The following FAAH2 variants were observed in gnomAD, a reference collection of about 807,000 sequenced individuals.
FAAH2 encodes the protein fatty-acid amide hydrolase 2.
Under a neutral mutation model 36.9 loss-of-function variants are expected in FAAH2, and 60 were observed. That is an observed-to-expected ratio of 1.63 (90% confidence interval 1.32 to 2.02). FAAH2 has a LOEUF of 2.02. Among genes scored for constraint, FAAH2 ranks in the 30% most tolerant of loss-of-function variants. FAAH2 has a pLI of 0.00. For synonymous variants in FAAH2, 214 were observed against 143.8 expected (o/e 1.49, Z -3.49); for missense variants, 689 against 397.5 (o/e 1.73, Z -6.23).
chrX:57,411,215 C>T, intron 7 of FAAH2, among the ~76,000 whole-genome samples: 1 of 111,931 alleles, frequency 8.9e-6, no homozygotes, highest in Admixed American at 9.5e-5. Flanking sequence ...TCTCTCTATG[C>T]TGCAAAGCGA....
chrX:57,349,102 T>C (rs765221830), intron 5 of FAAH2, among the ~76,000 whole-genome samples: 7 of 97,185 alleles, frequency 7.2e-5, no homozygotes, highest in African/African-American at 2.6e-4. Flanking sequence ...ATTATATATA[T>C]AATGTATATG....
At chrX:57,264,421 A>T in the FAAH2 span, among the ~76,000 whole-genome samples, 2 of 111,963 alleles carry the variant, frequency 1.8e-5, no homozygotes, top group South Asian at 3.7e-4. Flanking sequence ...GCCAACAAGC[A>T]TATTAAAAAA....
chrX:57,342,356 T>C (rs761540277), intron 5 of FAAH2, among the ~76,000 whole-genome samples: 1 of 111,106 alleles, frequency 9.0e-6, no homozygotes, highest in South Asian at 3.8e-4. Flanking sequence ...CAACAAACAC[T>C]GGGGACCTTT....
intron 7 of FAAH2, among the ~76,000 whole-genome samples, chrX:57,384,323 T>C (rs1325941355): frequency 2.0e-5 from 2 of 101,897 alleles, no homozygotes; most frequent in Non-Finnish European, 4.1e-5. Context: ...AATTGACAAA[T>C]GGGATCTAAT....
rs199519453 is a variant in FAAH2 at position 57,471,242 on chromosome X, C to A, written c.1424-17515C>A. ...TTCAACATAGTGTTGGAAGTTATGG[C>A]CAGGGCAATGAGGCAAGAGAAAGGA... On this transcript the variant is annotated intron_variant, in intron 10 of 10. Transcript: ENST00000374900. Among the ~76,000 whole-genome samples the A allele has an allele frequency of 4.4e-4, 49 of 111,589 alleles. No individual in the cohort carries two copies. In the East Asian group the frequency reaches 0.013, roughly 30 times the overall value.
chrX:57,264,823 A>C, the FAAH2 span, among the ~76,000 whole-genome samples: 1 of 112,715 alleles, frequency 8.9e-6, no homozygotes, highest in South Asian at 3.7e-4. Flanking sequence ...AAAATGTGGA[A>C]TTAGGAGTGG....
chrX:57,181,198 G>A, the FAAH2 span, among the ~76,000 whole-genome samples: 10 of 110,197 alleles, frequency 9.1e-5, no homozygotes, highest in Non-Finnish European at 1.7e-4. Context: ...AGCTAGAAGC[G>A]TTCACCTTGA....
chrX:57,277,903 A>G, the FAAH2 span, among the ~76,000 whole-genome samples: 5 of 111,890 alleles, frequency 4.5e-5, no homozygotes, highest in Non-Finnish European at 5.6e-5. Flanking sequence ...ACTACAAACC[A>G]CTGCTCAAGG....
rs2055693440 is a variant in FAAH2 at position 57,411,249 on chromosome X, T to C, written c.997-20669T>C. Among the ~76,000 whole-genome samples the C allele has an allele frequency of 4.5e-5, 5 of 112,219 alleles. No homozygotes were observed. The South Asian group carries it at 1.5e-3, about 33-fold the overall frequency. ...GAGACCTGGTGCTCTGACCATCCCA[T>C]TTATTTTCCCTAAAGCAGTGTGTCC... is the stretch of plus-strand genomic sequence containing the variant. On this transcript the variant is annotated intron_variant, in intron 7 of 10. Transcript: ENST00000374900.
At chrX:57,446,500 T>C (rs1177965908) in intron 8 of FAAH2, among the ~76,000 whole-genome samples, 3 of 111,909 alleles carry the variant, frequency 2.7e-5, no homozygotes, top group African/African-American at 9.8e-5. Context: ...TTTAGAGTTG[T>C]GCAACAATCA....
At chrX:57,369,011 T>C (rs1247534037) in intron 5 of FAAH2, among the ~76,000 whole-genome samples, 1 of 107,867 alleles carries the variant, frequency 9.3e-6, no homozygotes, top group African/African-American at 3.4e-5. Flanking sequence ...GAGAAATTGA[T>C]CAAAGAGATA....
rs758927630 is a variant in FAAH2, at chrX:57,488,975, G to A, written c.*43G>A. The A allele has an allele frequency of 6.2e-6, 7 of 1,133,093 alleles. No individual in the cohort carries two copies. Among genetic ancestry groups the A allele is most frequent in the South Asian group, 4.5e-5 (2 of 44,069 alleles). The allele number at this position is 1,133,093 out of a possible 1,213,427, so 93.4% of individuals were successfully genotyped here. A position where few individuals can be genotyped will look rare whatever the true frequency, so the allele number is the denominator to read the frequency against. ...TTAATGTGTGTGTGTGTTTGTGTTC[G>A]TGTGGTGGTGTTTCTATTAATTGGG... On this transcript the variant is annotated 3_prime_UTR_variant, in exon 11 of 11. Coordinates refer to ENST00000374900, the MANE Select transcript of FAAH2 (RefSeq NM_174912.4).
intron 5 of FAAH2, among the ~76,000 whole-genome samples, chrX:57,353,200 T>G (rs2054070312): frequency 1.8e-5 from 2 of 110,001 alleles, no homozygotes; most frequent in African/African-American, 6.6e-5. Flanking sequence ...TCGGTAATAT[T>G]ATGAGGCGAC....
the FAAH2 span, among the ~76,000 whole-genome samples, chrX:57,207,214 A>G: frequency 9.0e-6 from 1 of 111,124 alleles, no homozygotes; most frequent in Admixed American, 9.6e-5. Flanking sequence ...TGTGCTCTCC[A>G]TTGTTGTAAT....
the FAAH2 span, among the ~76,000 whole-genome samples, chrX:57,168,385 TACACACACACACAC>T: frequency 5.7e-5 from 6 of 104,601 alleles, no homozygotes; most frequent in Admixed American, 5.1e-4. Context: ...ATATGTGTGT[TACACACACACACAC>T]ACACACACAC....
chrX:57,425,504 T>A (rs1314918237), intron 7 of FAAH2, among the ~76,000 whole-genome samples: 2 of 111,861 alleles, frequency 1.8e-5, no homozygotes, highest in Non-Finnish European at 3.8e-5. Context: ...GCCCATCACA[T>A]AAACAGCAGA....
At chrX:57,406,007 C>A (rs1476450816) in intron 7 of FAAH2, among the ~76,000 whole-genome samples, 5 of 109,511 alleles carry the variant, frequency 4.6e-5, no homozygotes, top group Non-Finnish European at 9.5e-5. Context: ...TTGGGGGTGT[C>A]AAAACAATCT....
chrX:57,229,037 G>T, the FAAH2 span: 2 of 111,328 alleles, frequency 1.8e-5, no homozygotes, highest in Admixed American at 1.9e-4. Flanking sequence ...TTCTGCTATG[G>T]AAGAAGCAAC....
chrX:57,380,284 C>A (rs2054808317), intron 6 of FAAH2, among the ~76,000 whole-genome samples: 3 of 111,480 alleles, frequency 2.7e-5, no homozygotes, highest in Non-Finnish European at 5.7e-5. Flanking sequence ...CCACTTCAAC[C>A]ATTTTCCATA....
Sources: allele counts gnomAD v4.1 joint callset (sites outside exome capture counted in the v4.1 genomes callset), GRCh38; gene constraint gnomAD v4.1.1; transcripts MANE v1.5; gene names NCBI Gene and HGNC (gene_info 2026-07-23, HGNC 2026-07-21).